CD2AP: variants seen among roughly 807,000 people sequenced by gnomAD.
CD2AP encodes the protein CD2-associated protein.
CD2AP carries 46 observed loss-of-function variants against 85.1 expected under a neutral mutation model. The observed-to-expected ratio is 0.54, with a 90% confidence interval of 0.43 to 0.69. The LOEUF is 0.69. CD2AP is among the 30% of genes least tolerant of loss of function. The pLI is 0.00. For missense variants in CD2AP, 769 were observed against 729.5 expected (o/e 1.05, Z -0.62); for synonymous variants, 255 against 252.9 (o/e 1.01, Z -0.08).
At chr6:47,579,876 G>A in intron 9 of CD2AP, 1 of 175,014 alleles carries the variant, frequency 5.7e-6, no homozygotes, top group Non-Finnish European at 1.2e-5. Context: ...CATTTTTTTG[G>A]GAGGGCAAGA....
chr6:47,498,413 C>T (rs920752397), intron 1 of CD2AP, among the ~76,000 whole-genome samples: 13 of 152,088 alleles, frequency 8.5e-5, no homozygotes, highest in Admixed American at 3.3e-4. Flanking sequence ...AATATGAATA[C>T]GTTTTAAAAT....
intron 4 of CD2AP, among the ~76,000 whole-genome samples, chr6:47,551,962 C>T (rs113363436): frequency 0.016 from 2,367 of 152,002 alleles, 42 homozygotes; most frequent in African/African-American, 0.038. Flanking sequence ...GCTTTATTGC[C>T]CTTTACAAAC....
intron 1 of CD2AP, among the ~76,000 whole-genome samples, chr6:47,501,670 G>A (rs1766001549): frequency 6.6e-6 from 1 of 151,830 alleles, no homozygotes; most frequent in Non-Finnish European, 1.5e-5. Context: ...TTGTTGGTGT[G>A]TGTGTGTGTG....
At chr6:47,598,282 A>G (rs1769003834) in intron 12 of CD2AP, among the ~76,000 whole-genome samples, 1 of 151,080 alleles carries the variant, frequency 6.6e-6, no homozygotes, top group East Asian at 1.9e-4. Context: ...TGAAAAGGGA[A>G]CACTTGTACA....
At chr6:47,562,062 C>G (rs1175640777) in intron 5 of CD2AP, among the ~76,000 whole-genome samples, 2 of 152,196 alleles carry the variant, frequency 1.3e-5, no homozygotes, top group African/African-American at 4.8e-5. Context: ...CTGCACCCGG[C>G]TGAGTTTGCT....
At chr6:47,580,478 C>T (rs898616388) in intron 9 of CD2AP, among the ~76,000 whole-genome samples, 7 of 146,900 alleles carry the variant, frequency 4.8e-5, no homozygotes, top group African/African-American at 1.5e-4. Flanking sequence ...AAAAAAAAAA[C>T]GGTCTCTCCC....
intron 17 of CD2AP, among the ~76,000 whole-genome samples, chr6:47,616,507 T>G (rs1769590014): frequency 1.3e-5 from 2 of 152,244 alleles, no homozygotes; most frequent in Admixed American, 6.5e-5. Context: ...TTAGTTGAGA[T>G]AATTTATGTG....
chr6:47,606,429 G>C (rs1769274668), intron 14 of CD2AP, 152 bp downstream of exon 14: 1 of 657,842 alleles, frequency 1.5e-6, no homozygotes, highest in Non-Finnish European at 2.8e-6. Context: ...GGAGATAGAG[G>C]GAGAGAGGTG....
intron 1 of CD2AP, among the ~76,000 whole-genome samples, chr6:47,484,947 A>G (rs1055464378): frequency 6.6e-6 from 1 of 152,152 alleles, no homozygotes; most frequent in East Asian, 1.9e-4. Flanking sequence ...TGAAGCTAGA[A>G]AATTCCTCTT....
chr6:47,527,614 G>C (rs1487602602), intron 2 of CD2AP, among the ~76,000 whole-genome samples: 1 of 152,184 alleles, frequency 6.6e-6, no homozygotes, highest in African/African-American at 2.4e-5. Context: ...TGAAGAGGCT[G>C]CCCAGTAGAA....
At position 47,612,530 on chromosome 6, in the gene CD2AP, T is replaced by C. The variant is rs1185775930; in HGVS notation, c.1872T>C (p.Asn624=). The C allele has an allele frequency of 6.2e-7, 1 of 1,604,522 alleles. No homozygotes were observed. Among genetic ancestry groups the C allele is most frequent in the African/African-American group, 1.3e-5 (1 of 74,710 alleles). Residue 624 remains asparagine (N), a synonymous_variant, in exon 17 of 18, where the codon AAT becomes AAC. Coordinates refer to ENST00000359314, the MANE Select transcript of CD2AP (RefSeq NM_012120.3). ...AAGAAGAGAAGACAATGAGAAGTAA[T>C]CTAGAGGTAATTAATTTCTTCCAGC... ...DLEEEKTMRS[N]LEMEIEKLKK... is the part of the protein sequence containing the mutation.
intron 5 of CD2AP, among the ~76,000 whole-genome samples, chr6:47,563,600 T>C (rs745880014): frequency 6.6e-6 from 1 of 152,212 alleles, no homozygotes; most frequent in Non-Finnish European, 1.5e-5. Flanking sequence ...GTGTACAGTA[T>C]TATGCTCTAC....
At position 47,582,073 on chromosome 6, in the gene CD2AP, T is replaced by TA; in HGVS notation, c.1108+10dup. 2.6e-6 allele frequency: 4 copies of TA among 1,545,244 alleles called. No homozygotes were observed. The highest frequency in any genetic ancestry group is 3.6e-6 in the Non-Finnish European group (4 of 1,117,370). On this transcript the variant is annotated intron_variant, in intron 11 of 17. Coordinates refer to ENST00000359314, the MANE Select transcript of CD2AP (RefSeq NM_012120.3). ...TAAAGCCTGAAGAAAAGGGTGAGGC[T>TA]AATTTTCAACTTTCAAAAAAGCAAT...
chr6:47,523,904 G>A (rs1285862843), intron 2 of CD2AP, among the ~76,000 whole-genome samples: 2 of 152,086 alleles, frequency 1.3e-5, no homozygotes, highest in Non-Finnish European at 2.9e-5. Flanking sequence ...CAATATAGAA[G>A]TATCCATTGT....
At chr6:47,614,580 A>G (rs1769531634) in intron 17 of CD2AP, among the ~76,000 whole-genome samples, 3 of 152,222 alleles carry the variant, frequency 2.0e-5, no homozygotes, top group Admixed American at 2.0e-4. Context: ...CACCATTAAC[A>G]TATATAATTA....
rs199995766 is a variant in CD2AP at position 47,579,371 on chromosome 6, A to G, written c.904-14A>G. 7.9e-6 allele frequency: 11 copies of G among 1,384,570 alleles called. No homozygotes were observed. The highest frequency in any genetic ancestry group is 3.4e-5 in the Admixed American group (2 of 59,490). The allele number at this position is 1,384,570 out of a possible 1,614,324, so 85.8% of individuals were successfully genotyped here. A position where few individuals can be genotyped will look rare whatever the true frequency, so the allele number is the denominator to read the frequency against. On this transcript the variant is annotated splice_polypyrimidine_tract_variant and intron_variant, in intron 8 of 17. Transcript: ENST00000359314. ...AAAGGTCTATTGTCTTAATTATTCT[A>G]TTTTGCTTTTTAGGAGACTGGAGAA...
chr6:47,496,768 A>G (rs1388649414), intron 1 of CD2AP, among the ~76,000 whole-genome samples: 2 of 152,198 alleles, frequency 1.3e-5, no homozygotes, highest in African/African-American at 2.4e-5. Flanking sequence ...TTTGGCTTTC[A>G]TCTTTCTAAA....
At position 47,576,993 on chromosome 6, in the gene CD2AP, A is replaced by T. The variant is rs369595595; in HGVS notation, c.809-16A>T. 8.0e-7 allele frequency: 1 copy of T among 1,249,326 alleles called. No homozygotes were observed. The highest frequency in any genetic ancestry group is 1.2e-6 in the Non-Finnish European group (1 of 847,270). 77.4% of individuals were successfully genotyped at this position (1,249,326 alleles called of 1,614,324 possible). On this transcript the variant is annotated splice_polypyrimidine_tract_variant and intron_variant, in intron 7 of 17. Transcript: ENST00000359314. Reference sequence around the variant, plus strand: ...TCCATTTGTGTGAGCCACATTATTTACATTCTTTATTTCAGCTAAAGAATA... The same window carrying T: ...TCCATTTGTGTGAGCCACATTATTTTCATTCTTTATTTCAGCTAAAGAATA...
At chr6:47,501,665 G>GGTGTGT (rs140480387) in intron 1 of CD2AP, among the ~76,000 whole-genome samples, 1 of 150,384 alleles carries the variant, frequency 6.6e-6, no homozygotes, top group African/African-American at 2.4e-5. Context: ...TGTGGTTGTT[G>GGTGTGT]GTGTGTGTGT....
Sources: allele counts gnomAD v4.1 joint callset (sites outside exome capture counted in the v4.1 genomes callset), GRCh38; gene constraint gnomAD v4.1.1; transcripts MANE v1.5; gene names NCBI Gene and HGNC (gene_info 2026-07-23, HGNC 2026-07-21).